Variants in CD38 observed in about 807,000 individuals in gnomAD.
CD38 encodes CD38 molecule.
A neutral mutation model predicts 36.3 loss-of-function variants in CD38; 31 were observed. That is an observed-to-expected ratio of 0.85 (90% CI 0.64 to 1.15). The LOEUF (loss-of-function observed/expected upper bound fraction) is 1.15, where lower values mean the gene tolerates loss of function less well. Among genes scored for constraint, CD38 ranks in the 50% most tolerant of loss-of-function variants. The pLI is 0.00. For synonymous variants in CD38, 131 were observed against 135.2 expected, an observed-to-expected ratio of 0.97 and a Z score of 0.22; for missense variants, 380 against 371.9, an observed-to-expected ratio of 1.02 and a Z score of -0.18.
intron 3 of CD38, among the ~76,000 whole-genome samples, chr4:15,832,289 G>A (rs1723974675): frequency 6.6e-6 from 1 of 152,084 alleles, no homozygotes; most frequent in Non-Finnish European, 1.5e-5. Flanking sequence ...TAATTCATTT[G>A]GTGAGGTCAT....
chr4:15,790,130 T>TTTCC (rs1722929110), intron 1 of CD38, among the ~76,000 whole-genome samples: 1 of 26,578 alleles, frequency 3.8e-5, no homozygotes, highest in African/African-American at 6.4e-4. Context: ...TCCCTCTCCC[T>TTTCC]CTCCCTCTCC....
At chr4:15,825,746 T>C (rs1048125787) in intron 3 of CD38, 2 of 152,228 alleles carry the variant, frequency 1.3e-5, no homozygotes, top group African/African-American at 4.8e-5. Flanking sequence ...TCCAAAGAAG[T>C]CTAGAACAGG....
Position 15,778,865 on chromosome 4 carries a change from G to GGT in CD38, c.233+219_233+220insTG, listed in dbSNP as rs1722624027. On this transcript the variant is annotated intron_variant, in intron 1 of 7. Transcript: ENST00000226279. The surrounding 1 kb of genome is among the most constrained non-coding windows in gnomAD (Gnocchi z 4.9). ...CACCGAGCGTGCCCGCGGGAGGCGGGGGGGGGCGCTGCTCGGTGGCTCTGC... is the reference window on the plus strand; with the variant it reads ...CACCGAGCGTGCCCGCGGGAGGCGGGGTGGGGGGCGCTGCTCGGTGGCTCTGC... 6.6e-6 allele frequency among the ~76,000 whole-genome samples: 1 copy of GGT among 152,092 alleles called. No individual in the cohort carries two copies. The highest frequency in any genetic ancestry group is 1.5e-5 in the Non-Finnish European group (1 of 67,970).
chr4:15,779,268 C>G (rs148811039), intron 1 of CD38, among the ~76,000 whole-genome samples: 1 of 152,304 alleles, frequency 6.6e-6, no homozygotes, highest in African/African-American at 2.4e-5. Flanking sequence ...ATTAACAAAA[C>G]AATGTCAACT....
Position 15,824,960 on chromosome 4 carries a change from C to T in CD38, c.443C>T (p.Thr148Met), listed in dbSNP as rs138866692. The change falls in exon 3 of 8, where the codon ACG (threonine) becomes ATG (methionine). Residue 148 changes from threonine (T) to methionine (M), a missense_variant. Transcript: ENST00000226279. ...CGGGACATGTTCACCCTGGAGGACA[C>T]GCTGCTAGGCTACCTTGCTGATGAC... ...VQRDMFTLED[T>M]LLGYLADDLT... The T allele has an allele frequency of 3.6e-4, 574 of 1,613,810 alleles. 3 individuals carry two copies. The highest frequency in any genetic ancestry group is 2.5e-3 in the Middle Eastern group (15 of 6,056).
At chr4:15,800,210 C>T (rs1723189667) in intron 1 of CD38, among the ~76,000 whole-genome samples, 1 of 152,148 alleles carries the variant, frequency 6.6e-6, no homozygotes, top group South Asian at 2.1e-4. Flanking sequence ...CTCACAGGTT[C>T]GTTTTCTCTA....
intron 3 of CD38, chr4:15,825,741 A>C (rs920437673): frequency 2.0e-5 from 3 of 152,258 alleles, no homozygotes; most frequent in African/African-American, 7.2e-5. Flanking sequence ...TCAGGTCCAA[A>C]GAAGTCTAGA....
intron 4 of CD38, among the ~76,000 whole-genome samples, chr4:15,835,501 C>T (rs568451173): frequency 1.3e-5 from 2 of 151,408 alleles, no homozygotes; most frequent in Non-Finnish European, 2.9e-5. Flanking sequence ...CCTCAGCCTC[C>T]CCAGTAGCTG....
rs1800051 is a variant in CD38, at chr4:15,834,221, A to T, written c.504A>T (p.Ile168=). 1 of 1,596,490 alleles carries T rather than the reference A, an allele frequency of 6.3e-7. No individual in the cohort carries two copies. The highest frequency in any genetic ancestry group is 8.6e-7 in the Non-Finnish European group (1 of 1,164,184). The change falls in exon 4 of 8, where the codon ATA becomes ATT. Residue 168 remains isoleucine (I), a synonymous_variant. Transcript: ENST00000226279. ...TWCGEFNTSK[I]NYQSCPDWRK... ...TCTACAAACTATGTCTTTTAGAAAT[A>T]AACTATCAATCTTGCCCAGACTGGA...
At chr4:15,840,392 G>A in intron 6 of CD38, 60 bp from the exon 7 acceptor site, 4 of 1,152,488 alleles carry the variant, frequency 3.5e-6, no homozygotes, top group Non-Finnish European at 5.1e-6. Context: ...CAAAAACAAA[G>A]AGACTCCAAA....
At chr4:15,791,507 C>T (rs1722988357) in intron 1 of CD38, among the ~76,000 whole-genome samples, 1 of 69,232 alleles carries the variant, frequency 1.4e-5, no homozygotes, top group Admixed American at 1.0e-4. Flanking sequence ...CCCGGCCAGC[C>T]GCCCAGTCCG....
Position 15,838,132 on chromosome 4 carries a change from A to G in CD38, c.626A>G (p.Asn209Ser). 1 of 1,613,912 alleles carries G rather than the reference A, an allele frequency of 6.2e-7. No homozygotes were observed. Among genetic ancestry groups the G allele is most frequent in the Non-Finnish European group, 8.5e-7 (1 of 1,179,892 alleles). The change falls in exon 5 of 8, where the codon AAT becomes AGT. Residue 209 changes from asparagine to serine, a missense_variant. By Grantham distance (46) the Asn-to-Ser change is conservative. Transcript: ENST00000226279. ...TGTGATGTGGTCCATGTGATGCTCAATGGATCCCGCAGTAAAATCTTTGAC... is the reference window on the plus strand; with the variant it reads ...TGTGATGTGGTCCATGTGATGCTCAGTGGATCCCGCAGTAAAATCTTTGAC... ...AACDVVHVMLNGSRSKIFDKN... is the reference protein window; with the variant it reads ...AACDVVHVMLSGSRSKIFDKN...
At chr4:15,789,384 A>T (rs751731294) in intron 1 of CD38, among the ~76,000 whole-genome samples, 3 of 152,250 alleles carry the variant, frequency 2.0e-5, no homozygotes, top group Non-Finnish European at 4.4e-5. Context: ...TTACTCATTT[A>T]TGAAGGAATC....
At chr4:15,783,886 A>C (rs1458471768) in intron 1 of CD38, among the ~76,000 whole-genome samples, 1 of 152,194 alleles carries the variant, frequency 6.6e-6, no homozygotes, top group African/African-American at 2.4e-5. Flanking sequence ...ACTCAGCAAA[A>C]CTTGTTAGTA....
At chr4:15,789,657 A>T (rs906566285) in intron 1 of CD38, among the ~76,000 whole-genome samples, 3 of 152,124 alleles carry the variant, frequency 2.0e-5, no homozygotes, top group East Asian at 3.9e-4. Context: ...TCATGAATGG[A>T]TTAATCCATT....
chr4:15,821,306 C>T (rs1359442451), intron 2 of CD38, among the ~76,000 whole-genome samples: 1 of 151,078 alleles, frequency 6.6e-6, no homozygotes, highest in Admixed American at 6.6e-5. Flanking sequence ...AAACAAATCC[C>T]AAAGCTAGCA....
intron 1 of CD38, among the ~76,000 whole-genome samples, chr4:15,787,191 C>T (rs1421869742): frequency 2.0e-5 from 3 of 152,252 alleles, no homozygotes; most frequent in Non-Finnish European, 4.4e-5. Context: ...TCAAGCACGG[C>T]CAGAGTGGGC....
At chr4:15,825,297 A>G (rs925904839) in intron 3 of CD38, 2 of 361,888 alleles carry the variant, frequency 5.5e-6, no homozygotes, top group South Asian at 4.2e-5. Context: ...GTTTCCACTC[A>G]TGGAGAAGGG....
At position 15,834,293 on chromosome 4, in the gene CD38, T is replaced by A. The variant is rs762658552; in HGVS notation, c.576T>A (p.Val192=). ...NNPVSVFWKT[V]SRRFAEAACD... is the part of the protein sequence containing the mutation. Reference sequence around the variant, plus strand: ...CTGTTTCAGTATTCTGGAAAACGGTTTCCCGCAGGGTAAGTACCAAGTAGT... The same window carrying A: ...CTGTTTCAGTATTCTGGAAAACGGTATCCCGCAGGGTAAGTACCAAGTAGT... Residue 192 remains valine (V), a synonymous_variant, in exon 4 of 8, where the codon GTT becomes GTA. Transcript: ENST00000226279. 3.1e-6 allele frequency: 5 copies of A among 1,608,914 alleles called. No homozygotes were observed. In the South Asian group the frequency reaches 5.5e-5, roughly 18 times the overall value.
Sources: gnomAD v4.1 joint callset for allele counts (sites outside exome capture counted in the v4.1 genomes callset) on GRCh38, gnomAD v4.1.1 for gene constraint, Gnocchi (gnomAD v3.1) non-coding constraint, MANE v1.5 for transcripts, NCBI Gene and HGNC (gene_info 2026-07-23, HGNC 2026-07-21) for gene names.